CASP5: variants seen among roughly 807,000 people sequenced by gnomAD.
The protein encoded by CASP5 is caspase-5.
CASP5 carries 42 observed loss-of-function variants against 45.2 expected under a neutral mutation model. The ratio of observed to expected loss-of-function variants is 0.93; its 90% CI spans 0.73 to 1.20. The LOEUF (loss-of-function observed/expected upper bound fraction) is 1.20. Ranked by LOEUF, CASP5 falls within the 50% of genes most tolerant of loss-of-function variation. CASP5 has a pLI of 0.00. For synonymous variants in CASP5, 209 were observed against 186.2 expected, an observed-to-expected ratio of 1.12 and a Z score of -1.00; for missense variants, 512 against 532.2, an observed-to-expected ratio of 0.96 and a Z score of 0.37.
In CASP5 at chr11:105,003,381, G is replaced by C. The variant is rs762174072; in HGVS notation, c.436C>G (p.Leu146Val). ...GGTGGTCCAGCCTCGATTTGCAGAAGAGCTGTGGGATATCACAAAATATAA... is the reference window on the plus strand; with the variant it reads ...GGTGGTCCAGCCTCGATTTGCAGAACAGCTGTGGGATATCACAAAATATAA... ...MDQKITSVKP[L>V]LQIEAGPPES... The change falls in exon 4 of 10, where the codon CTT becomes GTT. Residue 146 changes from leucine to valine, a missense_variant and splice_region_variant. Coordinates refer to ENST00000260315, the MANE Select transcript of CASP5 (RefSeq NM_004347.5). The C allele has an allele frequency of 1.3e-6, 2 of 1,554,322 alleles. No homozygotes were observed. The highest frequency in any genetic ancestry group is 2.8e-5 in the African/African-American group (2 of 72,508).
At position 105,008,956 on chromosome 11, in the gene CASP5, C is replaced by T. The variant is rs182370567; in HGVS notation, c.32G>A (p.Arg11His). The change falls in exon 2 of 10, where the codon CGT (arginine) becomes CAT (histidine). Residue 11 changes from arginine (R) to histidine (H), a missense_variant. By Grantham distance (29) the Arg-to-His change is conservative (BLOSUM62 0). Coordinates refer to ENST00000260315, the MANE Select transcript of CASP5 (RefSeq NM_004347.5). MAEDSGKKKR[R>H]KNFEAMFKGI... is the part of the protein sequence containing the mutation. ...TTTGAACATAGCTTCAAAATTCTTACGCCTTTTTTTTTTGCCACTGTCTTC... is the reference window on the plus strand; with the variant it reads ...TTTGAACATAGCTTCAAAATTCTTATGCCTTTTTTTTTTGCCACTGTCTTC... 88 of 1,609,296 alleles carry T rather than the reference C, an allele frequency of 5.5e-5. 1 individual carries two copies. In the Admixed American group the frequency reaches 6.4e-4, roughly 12 times the overall value.
chr11:105,021,004 G>A lies in CASP5; in HGVS notation c.7+2126C>T, dbSNP rs542750886. Among the ~76,000 whole-genome samples the A allele has an allele frequency of 3.1e-3, 471 of 151,868 alleles. 3 individuals carry two copies. Among genetic ancestry groups the A allele is most frequent in the African/African-American group, 0.011 (438 of 41,416 alleles). On this transcript the variant is annotated intron_variant, in intron 1 of 9. Coordinates refer to ENST00000260315, the MANE Select transcript of CASP5 (RefSeq NM_004347.5). ...GAACAGAGCCCTCAGAAATAATGCCGCATATCTACAACTATCTGATCTTTG... is the reference window on the plus strand; with the variant it reads ...GAACAGAGCCCTCAGAAATAATGCCACATATCTACAACTATCTGATCTTTG...
chr11:105,003,762 A>T lies in CASP5; in HGVS notation c.434-379T>A, dbSNP rs1218666577. 2.0e-5 allele frequency among the ~76,000 whole-genome samples: 3 copies of T among 152,120 alleles called. No homozygotes were observed. The East Asian group carries it at 5.8e-4, about 29-fold the overall frequency. On this transcript the variant is annotated intron_variant, in intron 3 of 9. Transcript: ENST00000260315. ...GCTGTGTCTGGGCAAGAGTGTGCTA[A>T]GTAAATACTTGTCAGAGTGCTATTT...
At chr11:105,006,366 A>G (rs1862000094) in intron 3 of CASP5, among the ~76,000 whole-genome samples, 1 of 152,200 alleles carries the variant, frequency 6.6e-6, no homozygotes, top group Non-Finnish European at 1.5e-5. Flanking sequence ...GGTATCTGCT[A>G]TGTGCCAGGA....
intron 5 of CASP5, 106 bp downstream of exon 5, chr11:105,001,922 G>GCACACA: frequency 9.1e-7 from 1 of 1,099,694 alleles, no homozygotes; most frequent in Admixed American, 2.3e-5. Context: ...ACACGCACAC[G>GCACACA]AACCCAGAGG....
intron 3 of CASP5, among the ~76,000 whole-genome samples, chr11:105,005,823 A>G (rs1022264405): frequency 3.9e-5 from 6 of 152,200 alleles, no homozygotes; most frequent in Admixed American, 2.0e-4. Flanking sequence ...TTAAAAACCG[A>G]TATTTTTTCC....
At chr11:105,014,305 T>TC (rs1239212740) in intron 1 of CASP5, among the ~76,000 whole-genome samples, 4 of 152,080 alleles carry the variant, frequency 2.6e-5, no homozygotes, top group Non-Finnish European at 5.9e-5. Flanking sequence ...CATTTTTTTT[T>TC]TTCAGGCAAT....
intron 6 of CASP5, among the ~76,000 whole-genome samples, chr11:104,999,277 C>G (rs1375416190): frequency 6.6e-6 from 1 of 152,050 alleles, no homozygotes; most frequent in Non-Finnish European, 1.5e-5. Context: ...ATTGTTCAAC[C>G]CTCACTTATA....
chr11:105,002,225 A>G, intron 4 of CASP5, 24 bp from the exon 5 acceptor site: 1 of 1,610,482 alleles, frequency 6.2e-7, no homozygotes, highest in Non-Finnish European at 8.5e-7. Context: ...AGATGAAGCA[A>G]CTTTGATTAC....
intron 8 of CASP5, 40 bp downstream of exon 8, chr11:104,997,343 G>T: frequency 7.4e-7 from 1 of 1,346,996 alleles, no homozygotes; most frequent in Non-Finnish European, 1.1e-6. Context: ...TTCTTTCTGA[G>T]CAAATAAGTA....
At chr11:105,018,437 T>G (rs1031883838) in intron 1 of CASP5, among the ~76,000 whole-genome samples, 8 of 151,552 alleles carry the variant, frequency 5.3e-5, no homozygotes, top group Non-Finnish European at 8.8e-5. Context: ...ACACATAGGC[T>G]CAAAATAAAA....
chr11:105,009,057 T>C, intron 1 of CASP5, 77 bp from the exon 2 acceptor site: 1 of 1,306,344 alleles, frequency 7.7e-7, no homozygotes, highest in Non-Finnish European at 1.1e-6. Flanking sequence ...CAAAGCTCTG[T>C]AATGTGAAAC....
At chr11:104,995,598 G>A (rs996081689) in intron 9 of CASP5, 142 bp downstream of exon 9, 4 of 515,302 alleles carry the variant, frequency 7.8e-6, no homozygotes, top group African/African-American at 7.7e-5. Flanking sequence ...GAATAAAAAA[G>A]AGCAAATAAA....
intron 5 of CASP5, 30 bp downstream of exon 5, chr11:105,001,998 A>G (rs760448394): frequency 1.9e-6 from 3 of 1,602,858 alleles, no homozygotes; most frequent in Non-Finnish European, 2.6e-6. Context: ...TTGCCTATGG[A>G]TGAGTGTGAG....
At position 105,016,053 on chromosome 11, in the gene CASP5, G is replaced by A. The variant is rs1369488511; in HGVS notation, c.8-7073C>T. Among the ~76,000 whole-genome samples the A allele has an allele frequency of 5.3e-5, 8 of 152,264 alleles. No homozygotes were observed. The East Asian group carries it at 1.5e-3, about 29-fold the overall frequency. On this transcript the variant is annotated intron_variant, in intron 1 of 9. Coordinates refer to ENST00000260315, the MANE Select transcript of CASP5 (RefSeq NM_004347.5). Reference sequence around the variant, plus strand: ...TAGATATTTTTAAAAAGGCAATAGGGAGCCAATGTATGTTGCTGAGTAAGA... The same window carrying A: ...TAGATATTTTTAAAAAGGCAATAGGAAGCCAATGTATGTTGCTGAGTAAGA...
intron 1 of CASP5, among the ~76,000 whole-genome samples, chr11:105,021,879 T>C (rs1329904529): frequency 6.7e-6 from 1 of 149,970 alleles, no homozygotes; most frequent in Non-Finnish European, 1.5e-5. Flanking sequence ...ATTGTGGCAT[T>C]ATTCACAATA....
chr11:104,995,069 C>T (rs1329002925), intron 9 of CASP5: 1 of 152,260 alleles, frequency 6.6e-6, no homozygotes, highest in African/African-American at 2.4e-5. Flanking sequence ...CCCTCCTCTT[C>T]CTGGGTGGTA....
At position 105,006,939 on chromosome 11, in the gene CASP5, C is replaced by A. The variant is rs144439209; in HGVS notation, c.433+144G>T. ...CCCGTCCCATAAAAGACAAGGTGGT[C>A]TCTAACAGGATGATGACATGTTTAC... On this transcript the variant is annotated intron_variant, in intron 3 of 9. Coordinates refer to ENST00000260315, the MANE Select transcript of CASP5 (RefSeq NM_004347.5). 4.9e-5 allele frequency: 37 copies of A among 760,042 alleles called. No individual in the cohort carries two copies. In the African/African-American group the frequency reaches 6.5e-4, roughly 13 times the overall value. The allele number at this position is 760,042 out of a possible 1,614,324, so 47.1% of individuals were successfully genotyped here.
At chr11:105,016,965 G>A (rs975827366) in intron 1 of CASP5, among the ~76,000 whole-genome samples, 1 of 150,452 alleles carries the variant, frequency 6.6e-6, no homozygotes, top group African/African-American at 2.5e-5. Flanking sequence ...ATCTGAGAAC[G>A]GGCAGACTGC....
Sources: gnomAD v4.1 joint callset for allele counts (sites outside exome capture counted in the v4.1 genomes callset) on GRCh38, gnomAD v4.1.1 for gene constraint, MANE v1.5 for transcripts, NCBI Gene and HGNC (gene_info 2026-07-23, HGNC 2026-07-21) for gene names.